Variants in MLLT1 observed in about 807,000 individuals in gnomAD.
MLLT1 encodes the protein MLLT1 super elongation complex subunit, also known as protein ENL.
In MLLT1, 11 loss-of-function variants were observed where a neutral mutation model predicts 55.1. The ratio of observed to expected loss-of-function variants is 0.20; its 90% CI spans 0.13 to 0.33. The LOEUF (loss-of-function observed/expected upper bound fraction) is 0.33. Among genes scored for constraint, MLLT1 ranks in the 10% least tolerant of loss-of-function variants. MLLT1 has a pLI of 1.00. For missense variants in MLLT1, 536 were observed against 760.6 expected, an observed-to-expected ratio of 0.70 and a Z score of 3.47; for synonymous variants, 323 against 320.1, an observed-to-expected ratio of 1.01 and a Z score of -0.10.
chr19:6,212,094 A>C lies in MLLT1; in HGVS notation c.*948T>G, dbSNP rs961378575. ...TTTCAAAGTTTGAAGACTTGAATGA[A>C]AGAGAGGAAGAGGAGCCTATGGGAG... On this transcript the variant is annotated 3_prime_UTR_variant, in exon 12 of 12. Transcript: ENST00000252674. The C allele has an allele frequency of 2.8e-6, 3 of 1,066,032 alleles. No individual in the cohort carries two copies. The African/African-American group carries it at 4.9e-5, about 17-fold the overall frequency. The allele number at this position is 1,066,032 out of a possible 1,614,324, so 66.0% of individuals were successfully genotyped here. A position where few individuals can be genotyped will look rare whatever the true frequency, so the allele number is the denominator to read the frequency against.
At chr19:6,242,027 T>G (rs2091118323) in intron 3 of MLLT1, among the ~76,000 whole-genome samples, 1 of 152,168 alleles carries the variant, frequency 6.6e-6, no homozygotes, top group Non-Finnish European at 1.5e-5. Flanking sequence ...GGGAGTTGCT[T>G]GCAGAAGCGT....
At position 6,222,389 on chromosome 19, in the gene MLLT1, C is replaced by CGGGGTGGGGGTGGGGGTG. The variant is rs753690040; in HGVS notation, c.824_841dup (p.Pro275_Pro280dup). ...GGTGGCCGGCCGCTTGCTGGAAGCCCGGGGTGGGGGTGGGGGTGGGGGTGG... is the reference window on the plus strand; with the variant it reads ...GGTGGCCGGCCGCTTGCTGGAAGCCCGGGGTGGGGGTGGGGGTGGGGGTGGGGGTGGGGGTGGGGGTGG... On this transcript the variant is annotated inframe_insertion, in exon 6 of 12. Coordinates refer to ENST00000252674, the MANE Select transcript of MLLT1 (RefSeq NM_005934.4). This position sits in a 1 kb window ranked among gnomAD's most constrained non-coding sequence, Gnocchi z 4.1. The CGGGGTGGGGGTGGGGGTG allele has an allele frequency of 1.4e-5, 6 of 439,376 alleles. No individual in the cohort carries two copies. Among genetic ancestry groups the CGGGGTGGGGGTGGGGGTG allele is most frequent in the African/African-American group, 8.6e-5 (1 of 11,626 alleles). 27.2% of individuals were successfully genotyped at this position (439,376 alleles called of 1,614,324 possible).
rs964396823 is a variant in MLLT1, at chr19:6,223,468, G to C, written c.547-784C>G. On this transcript the variant is annotated intron_variant, in intron 5 of 11. Transcript: ENST00000252674. ...AGGACAGAGGTAAGATGATGGCAGA[G>C]AGCAGCAGGACACAGGCCCAGGAGT... Among the ~76,000 whole-genome samples, 10 of 152,342 alleles carry C rather than the reference G, an allele frequency of 6.6e-5. No individual in the cohort carries two copies. The South Asian group carries it at 1.7e-3, about 25-fold the overall frequency.
intron 1 of MLLT1, among the ~76,000 whole-genome samples, chr19:6,276,739 C>A (rs932560618): frequency 1.3e-5 from 2 of 152,160 alleles, no homozygotes; most frequent in African/African-American, 4.8e-5. Flanking sequence ...ACTCGCTCAT[C>A]CCCCTGCCAA....
intron 1 of MLLT1, among the ~76,000 whole-genome samples, chr19:6,274,822 G>A (rs1272041758): frequency 2.0e-5 from 3 of 152,218 alleles, no homozygotes; most frequent in Non-Finnish European, 4.4e-5. Flanking sequence ...GGGCACGAGC[G>A]CTCCAAGGGC....
chr19:6,225,157 C>A (rs1003150194), intron 5 of MLLT1, among the ~76,000 whole-genome samples: 5 of 152,228 alleles, frequency 3.3e-5, no homozygotes, highest in Non-Finnish European at 5.9e-5. Flanking sequence ...GAGGGTCCTG[C>A]CCCCTCTATG....
Position 6,212,128 on chromosome 19 carries a change from G to A in MLLT1, c.*914C>T, listed in dbSNP as rs931388395. On this transcript the variant is annotated 3_prime_UTR_variant, in exon 12 of 12. Transcript: ENST00000252674. ...AGAGGAGCCTATGGGAGGAGGCCGA[G>A]CCCCAGGGCGGCTGATGCGAGTCTG... The A allele has an allele frequency of 2.0e-5, 21 of 1,066,418 alleles. No individual in the cohort carries two copies. In the African/African-American group the frequency reaches 3.4e-4, roughly 17 times the overall value. The allele number at this position is 1,066,418 out of a possible 1,614,324, so 66.1% of individuals were successfully genotyped here.
intron 3 of MLLT1, among the ~76,000 whole-genome samples, chr19:6,261,641 CAAAA>C (rs556152203): frequency 7.1e-5 from 5 of 70,664 alleles, no homozygotes; most frequent in Admixed American, 1.6e-4. Flanking sequence ...ATCATTAGGC[CAAAA>C]AAAAAAAAAA....
At chr19:6,232,714 G>A (rs555199252) in intron 3 of MLLT1, among the ~76,000 whole-genome samples, 1 of 152,302 alleles carries the variant, frequency 6.6e-6, no homozygotes, top group African/African-American at 2.4e-5. Context: ...GGAAGTGCAG[G>A]AGTGGCTCTA....
At chr19:6,268,142 G>A (rs923436581) in intron 2 of MLLT1, among the ~76,000 whole-genome samples, 1 of 152,204 alleles carries the variant, frequency 6.6e-6, no homozygotes, top group African/African-American at 2.4e-5. Flanking sequence ...ATTGGGCAAC[G>A]AAACCGCGAT....
chr19:6,216,037 C>A (rs1469091425), intron 8 of MLLT1, among the ~76,000 whole-genome samples: 1 of 152,136 alleles, frequency 6.6e-6, no homozygotes, highest in Non-Finnish European at 1.5e-5. Context: ...GACTGGGAGT[C>A]TCCTGGCCCA....
chr19:6,267,136 C>T lies in MLLT1; in HGVS notation c.193+3443G>A, dbSNP rs545505963. Among the ~76,000 whole-genome samples, 3 of 152,100 alleles carry T rather than the reference C, an allele frequency of 2.0e-5. No homozygotes were observed. In the East Asian group the frequency reaches 5.8e-4, roughly 30 times the overall value. On this transcript the variant is annotated intron_variant, in intron 2 of 11. Transcript: ENST00000252674. ...TTTTTTTTTGAGACATAGTTTCGCT[C>T]TGTCGCCCAGGCCGGAGTGCACTGG...
chr19:6,259,447 G>A (rs1406791312), intron 3 of MLLT1: 8 of 152,336 alleles, frequency 5.3e-5, no homozygotes. Context: ...TTTACAAAGA[G>A]CTGGTTCCAA....
chr19:6,241,965 G>C (rs902744336), intron 3 of MLLT1, among the ~76,000 whole-genome samples: 1 of 152,200 alleles, frequency 6.6e-6, no homozygotes, highest in Non-Finnish European at 1.5e-5. Flanking sequence ...TCACCAGAGG[G>C]GCTGCCCGCC....
rs559309281 is a variant in MLLT1, at chr19:6,210,898, G to C, written c.*2144C>G. 2.0e-4 allele frequency: 45 copies of C among 230,614 alleles called. No homozygotes were observed. The East Asian group carries it at 2.2e-3, about 11-fold the overall frequency. 14.3% of individuals were successfully genotyped at this position (230,614 alleles called of 1,614,324 possible). ...CCAGAGCAGCTCTGGAGGACAACGTGAGGCCTTCCGGCCAGAGGAGGTAAC... is the reference window on the plus strand; with the variant it reads ...CCAGAGCAGCTCTGGAGGACAACGTCAGGCCTTCCGGCCAGAGGAGGTAAC... On this transcript the variant is annotated 3_prime_UTR_variant, in exon 12 of 12. Coordinates refer to ENST00000252674, the MANE Select transcript of MLLT1 (RefSeq NM_005934.4). This position sits in a 1 kb window ranked among gnomAD's most constrained non-coding sequence, Gnocchi z 4.6.
Position 6,262,104 on chromosome 19 carries a change from A to T in MLLT1, c.276+124T>A. The T allele has an allele frequency of 1.3e-6, 1 of 741,310 alleles. No homozygotes were observed. The highest frequency in any genetic ancestry group is 2.4e-6 in the Non-Finnish European group (1 of 423,870). The allele number at this position is 741,310 out of a possible 1,614,324, so 45.9% of individuals were successfully genotyped here. On this transcript the variant is annotated intron_variant, in intron 3 of 11. Coordinates refer to ENST00000252674, the MANE Select transcript of MLLT1 (RefSeq NM_005934.4). The surrounding 1 kb of genome is among the most constrained non-coding windows in gnomAD (Gnocchi z 4.4). ...GATGGTGACCAGCACCCCCCGCAGC[A>T]CTCACTGGAATGTCTGTGCATGGGC...
intron 3 of MLLT1, among the ~76,000 whole-genome samples, chr19:6,236,058 C>T (rs2091057981): frequency 6.6e-6 from 1 of 152,226 alleles, no homozygotes; most frequent in African/African-American, 2.4e-5. Flanking sequence ...GCTGGACTAG[C>T]ACCCTGTCTG....
chr19:6,250,139 C>A (rs979566769), intron 3 of MLLT1, among the ~76,000 whole-genome samples: 5 of 152,178 alleles, frequency 3.3e-5, no homozygotes, highest in Admixed American at 6.5e-5. Flanking sequence ...TACAAATGGC[C>A]AATAAGCACA....
At chr19:6,261,766 T>C (rs3787054) in intron 3 of MLLT1, among the ~76,000 whole-genome samples, 8,028 of 152,020 alleles carry the variant, frequency 0.053, 569 homozygotes, top group African/African-American at 0.15. Context: ...TTCCTTCAAG[T>C]ATTATATATG....
Sources: gnomAD v4.1 joint callset for allele counts (sites outside exome capture counted in the v4.1 genomes callset) on GRCh38, gnomAD v4.1.1 for gene constraint, Gnocchi (gnomAD v3.1) non-coding constraint, MANE v1.5 for transcripts, NCBI Gene and HGNC (gene_info 2026-07-23, HGNC 2026-07-21) for gene names.